KGD4: variants seen among roughly 807,000 people sequenced by gnomAD.
KGD4 encodes alpha-ketoglutarate dehydrogenase subunit 4.
At chr5:69,220,292 G>C in the KGD4 span, among the ~76,000 whole-genome samples, 1 of 151,970 alleles carries the variant, frequency 6.6e-6, no homozygotes, top group African/African-American at 2.4e-5. Context: ...TGAAGGAAGA[G>C]AAGAGTGCCA....
At chr5:69,226,434 A>C in the KGD4 span, 1 of 1,363,230 alleles carries the variant, frequency 7.3e-7, no homozygotes, top group East Asian at 2.3e-5. Flanking sequence ...TTCTTTTAAA[A>C]TTGTGTACAT....
At chr5:69,219,008 G>A in the KGD4 span, among the ~76,000 whole-genome samples, 4 of 152,174 alleles carry the variant, frequency 2.6e-5, no homozygotes, top group Admixed American at 6.5e-5. Flanking sequence ...AAGACTTGGC[G>A]TGTTGCACAA....
the KGD4 span, chr5:69,217,855 C>T: frequency 1.3e-5 from 21 of 1,613,944 alleles, no homozygotes; most frequent in Admixed American, 1.2e-4. Context: ...ATGGCGTCTG[C>T]TAGTAGGGTC....
the KGD4 span, chr5:69,228,271 A>G: frequency 6.2e-7 from 1 of 1,610,636 alleles, no homozygotes; most frequent in East Asian, 2.2e-5. Flanking sequence ...TAAAGGAAGT[A>G]AATCACCAGA....
chr5:69,229,131 A>G, the KGD4 span: 1 of 1,282,866 alleles, frequency 7.8e-7, no homozygotes, highest in African/African-American at 1.5e-5. Flanking sequence ...GATTGTATAA[A>G]TTTGTAAAAT....
chr5:69,224,529 T>A, the KGD4 span, among the ~76,000 whole-genome samples: 1 of 152,224 alleles, frequency 6.6e-6, no homozygotes, highest in Non-Finnish European at 1.5e-5. Flanking sequence ...ATTCTTTAAT[T>A]TTCTAATTTT....
the KGD4 span, among the ~76,000 whole-genome samples, chr5:69,219,143 G>A: frequency 5.3e-5 from 8 of 152,298 alleles, no homozygotes; most frequent in African/African-American, 1.9e-4. Flanking sequence ...AGACGTCAGT[G>A]GTGATGAGAA....
chr5:69,228,353 A>G, the KGD4 span: 3 of 1,601,068 alleles, frequency 1.9e-6, no homozygotes, highest in Admixed American at 5.3e-5. Context: ...TACAGAAGGA[A>G]ACTTGTGTCT....
the KGD4 span, chr5:69,228,290 T>A: frequency 6.2e-7 from 1 of 1,610,334 alleles, no homozygotes; most frequent in Admixed American, 1.7e-5. Context: ...GATTTGCTGA[T>A]GTATCAGGGT....
the KGD4 span, among the ~76,000 whole-genome samples, chr5:69,225,362 C>G: frequency 6.7e-6 from 1 of 148,824 alleles, no homozygotes; most frequent in Admixed American, 6.8e-5. Context: ...CTCCTGCGTT[C>G]AAGCGATTCT....
chr5:69,218,387 C>T, the KGD4 span, among the ~76,000 whole-genome samples: 5 of 152,214 alleles, frequency 3.3e-5, no homozygotes, highest in Non-Finnish European at 5.9e-5. Flanking sequence ...TCTCCCCAAC[C>T]TCTCCAAGCG....
At chr5:69,223,631 A>G in the KGD4 span, among the ~76,000 whole-genome samples, 1 of 152,196 alleles carries the variant, frequency 6.6e-6, no homozygotes, top group East Asian at 1.9e-4. Context: ...TTTGTTCATT[A>G]GATTCTTAGC....
chr5:69,228,515 T>C, the KGD4 span: 1 of 904,924 alleles, frequency 1.1e-6, no homozygotes, highest in Non-Finnish European at 1.7e-6. Context: ...TAAGACAGGA[T>C]GGTCAGGTAG....
the KGD4 span, among the ~76,000 whole-genome samples, chr5:69,227,484 C>T: frequency 3.3e-5 from 5 of 152,126 alleles, no homozygotes; most frequent in East Asian, 1.9e-4. Flanking sequence ...CTCTGATTCC[C>T]GCCCTTTTTT....
chr5:69,226,255 C>G, the KGD4 span: 1 of 942,390 alleles, frequency 1.1e-6, no homozygotes, highest in Non-Finnish European at 1.7e-6. Context: ...GTAATTTTAA[C>G]AAACGTATCT....
At chr5:69,219,748 C>T in the KGD4 span, among the ~76,000 whole-genome samples, 1 of 152,024 alleles carries the variant, frequency 6.6e-6, no homozygotes, top group African/African-American at 2.4e-5. Context: ...TCACTTGAGC[C>T]TAGGAGTTTG....
At chr5:69,222,799 T>TC in the KGD4 span, among the ~76,000 whole-genome samples, 1 of 151,530 alleles carries the variant, frequency 6.6e-6, no homozygotes, top group Non-Finnish European at 1.5e-5. Flanking sequence ...AGAAGTTTTT[T>TC]TTTTTGAGAC....
the KGD4 span, among the ~76,000 whole-genome samples, chr5:69,221,967 G>A: frequency 6.9e-5 from 2 of 28,946 alleles, no homozygotes; most frequent in African/African-American, 4.3e-4. Flanking sequence ...AGGAGTTCGA[G>A]ACCAGCCTGG....
the KGD4 span, among the ~76,000 whole-genome samples, chr5:69,221,385 T>A: frequency 6.6e-6 from 1 of 151,954 alleles, no homozygotes; most frequent in Non-Finnish European, 1.5e-5. Flanking sequence ...AATAATAAAG[T>A]AAAACATTTT....
Sources: allele counts gnomAD v4.1 joint callset (sites outside exome capture counted in the v4.1 genomes callset), GRCh38; gene constraint gnomAD v4.1.1; transcripts MANE v1.5; gene names NCBI Gene and HGNC (gene_info 2026-07-23, HGNC 2026-07-21).